Variants in XPNPEP3 observed in about 807,000 individuals in gnomAD.
XPNPEP3 encodes the protein X-prolyl aminopeptidase 3, also known as xaa-Pro aminopeptidase 3.
A neutral mutation model predicts 60.0 loss-of-function variants in XPNPEP3; 41 were observed. That is an observed-to-expected ratio of 0.68 (90% CI 0.53 to 0.89). The LOEUF (loss-of-function observed/expected upper bound fraction) is 0.89. Ranked by LOEUF, XPNPEP3 falls within the 40% of genes least tolerant of loss-of-function variation. The pLI is 0.00. For missense variants in XPNPEP3, 598 were observed against 638.9 expected, an observed-to-expected ratio of 0.94 and a Z score of 0.69; for synonymous variants, 212 against 223.2, an observed-to-expected ratio of 0.95 and a Z score of 0.45.
At chr22:40,914,372 A>T (rs1175535097) in intron 7 of XPNPEP3, 48 bp downstream of exon 7, 1 of 1,476,510 alleles carries the variant, frequency 6.8e-7, no homozygotes, top group Non-Finnish European at 9.5e-7. Flanking sequence ...TAGGAGTATG[A>T]GTTGGAATAT....
At chr22:40,882,917 G>T (rs1001953843) in intron 3 of XPNPEP3, among the ~76,000 whole-genome samples, 3 of 152,102 alleles carry the variant, frequency 2.0e-5, no homozygotes, top group African/African-American at 7.2e-5. Flanking sequence ...ATCTCACAGA[G>T]AATTTTCTTT....
intron 4 of XPNPEP3, among the ~76,000 whole-genome samples, chr22:40,893,531 T>G (rs943197335): frequency 6.9e-6 from 1 of 145,398 alleles, no homozygotes; most frequent in Non-Finnish European, 1.5e-5. Context: ...AAAAAAAAGA[T>G]GCATCCTGTG....
chr22:40,926,437 C>T lies in XPNPEP3; in HGVS notation c.*2C>T, dbSNP rs149716028. 221 of 1,613,932 alleles carry T rather than the reference C, an allele frequency of 1.4e-4. No individual in the cohort carries two copies. The highest frequency in any genetic ancestry group is 1.7e-4 in the Non-Finnish European group (201 of 1,180,028). ...CAGATATGCAGCCAGGCTTCTTGACCTTCACTGCGGCCCACATGCACCTCA... is the reference window on the plus strand; with the variant it reads ...CAGATATGCAGCCAGGCTTCTTGACTTTCACTGCGGCCCACATGCACCTCA... On this transcript the variant is annotated 3_prime_UTR_variant, in exon 10 of 10. Transcript: ENST00000357137.
Position 40,931,644 on chromosome 22 carries a change from G to T in XPNPEP3, c.*5209G>T, listed in dbSNP as rs2058255119. ...TGGGAGGATCGCTTGAGCTTAGGAG[G>T]TCAAGGCTGCAGTGAGCCATGATTG... On this transcript the variant is annotated 3_prime_UTR_variant, in exon 10 of 10. Transcript: ENST00000357137. The T allele has an allele frequency of 6.6e-6, 1 of 152,154 alleles. No individual in the cohort carries two copies. The highest frequency in any genetic ancestry group is 1.5e-5 in the Non-Finnish European group (1 of 68,078). 9.4% of individuals were successfully genotyped at this position (152,154 alleles called of 1,614,324 possible). A position where few individuals can be genotyped will look rare whatever the true frequency, so the allele number is the denominator to read the frequency against.
intron 4 of XPNPEP3, chr22:40,888,335 C>A: frequency 2.7e-6 from 1 of 366,852 alleles, no homozygotes; most frequent in South Asian, 2.0e-5. Flanking sequence ...TCTCGACCTC[C>A]TGGGTTCAAG....
At chr22:40,878,628 T>C (rs1006356619) in intron 2 of XPNPEP3, among the ~76,000 whole-genome samples, 5 of 151,840 alleles carry the variant, frequency 3.3e-5, no homozygotes, top group African/African-American at 4.8e-5. Flanking sequence ...ACTCTGTCGC[T>C]CAGGCCGGAA....
At chr22:40,900,774 CA>C (rs2058129009) in intron 4 of XPNPEP3, among the ~76,000 whole-genome samples, 1 of 149,478 alleles carries the variant, frequency 6.7e-6, no homozygotes, top group Non-Finnish European at 1.5e-5. Context: ...ATGAAAAATA[CA>C]AAAATAAGTT....
In XPNPEP3 at chr22:40,922,585, C is replaced by CT. The variant is rs2058220774; in HGVS notation, c.1236+73dup. The CT allele has an allele frequency of 1.3e-5, 20 of 1,530,802 alleles. No individual in the cohort carries two copies. In the East Asian group the frequency reaches 4.5e-4, roughly 35 times the overall value. The allele number at this position is 1,530,802 out of a possible 1,614,324, so 94.8% of individuals were successfully genotyped here. ...TGCTAGGTTTTTACCCTATATAAAGCTAATTAGACTTAGAAATGGGACAGA... is the reference window on the plus strand; with the variant it reads ...TGCTAGGTTTTTACCCTATATAAAGCTTAATTAGACTTAGAAATGGGACAGA... On this transcript the variant is annotated intron_variant, in intron 8 of 9. Coordinates refer to ENST00000357137, the MANE Select transcript of XPNPEP3 (RefSeq NM_022098.4).
rs1464907155 is a variant in XPNPEP3 at position 40,890,767 on chromosome 22, CA to C, written c.792+4256del. On this transcript the variant is annotated intron_variant, in intron 4 of 9. Transcript: ENST00000357137. ...CTGTAGTCCCAGCTACTCAGGAGGC[CA>C]AAATGGGAGGATCACATGAGCCCAG... 2.6e-5 allele frequency among the ~76,000 whole-genome samples: 4 copies of C among 151,680 alleles called. No homozygotes were observed. The East Asian group carries it at 7.8e-4, about 30-fold the overall frequency.
intron 2 of XPNPEP3, 100 bp downstream of exon 2, chr22:40,869,215 C>G: frequency 9.4e-7 from 1 of 1,061,776 alleles, no homozygotes; most frequent in East Asian, 2.4e-5. Flanking sequence ...TGTGCTGTTC[C>G]ATAAGGTAGC....
In XPNPEP3 at chr22:40,924,377, T is replaced by C. The variant is rs752919723; in HGVS notation, c.1252T>C (p.Cys418Arg). Residue 418 changes from cysteine to arginine, a missense_variant, in exon 9 of 10, where the codon TGT becomes CGT. Physicochemically the swap from Cys to Arg is radical, Grantham distance 180. Coordinates refer to ENST00000357137, the MANE Select transcript of XPNPEP3 (RefSeq NM_022098.4). The part of the protein sequence containing the change: ...NNAFKAARKY[C>R]PHHVGHYLGM... ...TCTTTTCCAGGCTGCTCGAAAATAC[T>C]GTCCTCATCATGTTGGCCACTACCT... is the stretch of plus-strand genomic sequence containing the variant. 7 of 1,614,090 alleles carry C rather than the reference T, an allele frequency of 4.3e-6. No individual in the cohort carries two copies. The highest frequency in any genetic ancestry group is 8.5e-7 in the Non-Finnish European group (1 of 1,180,048).
At chr22:40,862,649 G>A in intron 1 of XPNPEP3, 1 of 985,452 alleles carries the variant, frequency 1.0e-6, no homozygotes, top group South Asian at 4.7e-5. Flanking sequence ...GGAGGAAGTA[G>A]CCTGATATGT....
intron 6 of XPNPEP3, among the ~76,000 whole-genome samples, chr22:40,913,286 T>C (rs1450024448): frequency 6.6e-6 from 1 of 151,620 alleles, no homozygotes; most frequent in Non-Finnish European, 1.5e-5. Flanking sequence ...CTGGCCAACA[T>C]AGTTAGCCAG....
At chr22:40,874,269 A>T (rs1485043840) in intron 2 of XPNPEP3, among the ~76,000 whole-genome samples, 1 of 152,170 alleles carries the variant, frequency 6.6e-6, no homozygotes, top group Non-Finnish European at 1.5e-5. Flanking sequence ...AGAAGAATTT[A>T]AAAAATTAAA....
At chr22:40,867,295 T>C (rs1291248470) in intron 1 of XPNPEP3, among the ~76,000 whole-genome samples, 1 of 152,170 alleles carries the variant, frequency 6.6e-6, no homozygotes, top group East Asian at 1.9e-4. Flanking sequence ...CTTCATAATC[T>C]TTGCTCTTAT....
In XPNPEP3 at chr22:40,906,080, C is replaced by G. The variant is rs531275039; in HGVS notation, c.793-1507C>G. ...TGCTGAGATTACAGGCTTGAGCCAA[C>G]GCACCCAGCCTGTTTGTTTGTTTGT... On this transcript the variant is annotated intron_variant, in intron 4 of 9. Coordinates refer to ENST00000357137, the MANE Select transcript of XPNPEP3 (RefSeq NM_022098.4). Among the ~76,000 whole-genome samples the G allele has an allele frequency of 2.6e-5, 4 of 151,836 alleles. No homozygotes were observed. In the South Asian group the frequency reaches 8.3e-4, roughly 32 times the overall value.
At chr22:40,911,642 C>T (rs1368575455) in intron 6 of XPNPEP3, among the ~76,000 whole-genome samples, 1 of 151,676 alleles carries the variant, frequency 6.6e-6, no homozygotes, top group Non-Finnish European at 1.5e-5. Context: ...CTCCCAGGTT[C>T]AAGCGATTCT....
intron 1 of XPNPEP3, chr22:40,860,595 G>C: frequency 2.4e-6 from 3 of 1,229,170 alleles, no homozygotes; most frequent in Non-Finnish European, 3.3e-6. Flanking sequence ...AGAAAAATAG[G>C]CTATAAACTC....
In XPNPEP3 at chr22:40,895,983, A is replaced by G. The variant is rs1159300637; in HGVS notation, c.792+9468A>G. 2.0e-5 allele frequency among the ~76,000 whole-genome samples: 3 copies of G among 152,120 alleles called. No individual in the cohort carries two copies. The South Asian group carries it at 6.2e-4, about 32-fold the overall frequency. The stretch of plus-strand genomic sequence containing the variant: ...TTATGAGATCCTGGCCTATATATCA[A>G]CGTTCTTCATCTCTTACCATGCTGA... On this transcript the variant is annotated intron_variant, in intron 4 of 9. Transcript: ENST00000357137.
Sources: gnomAD v4.1 joint callset for allele counts (sites outside exome capture counted in the v4.1 genomes callset) on GRCh38, gnomAD v4.1.1 for gene constraint, MANE v1.5 for transcripts, NCBI Gene and HGNC (gene_info 2026-07-23, HGNC 2026-07-21) for gene names.